The following PAN2 variants were observed in gnomAD, a reference collection of about 807,000 sequenced individuals.
PAN2 encodes the protein PAN2-PAN3 deadenylation complex catalytic subunit PAN2.
Under a neutral mutation model 133.3 loss-of-function variants are expected in PAN2, and 68 were observed. The ratio of observed to expected loss-of-function variants is 0.51; its 90% CI spans 0.42 to 0.62. The LOEUF is 0.62. Ranked by LOEUF, PAN2 falls within the 20% of genes least tolerant of loss-of-function variation. PAN2 has a pLI of 0.00. For synonymous variants in PAN2, 462 were observed against 544.6 expected (o/e 0.85, Z 2.11); for missense variants, 1,042 against 1,500.5 (o/e 0.69, Z 5.05).
chr12:56,328,657 A>C lies in PAN2; in HGVS notation c.283-16T>G, dbSNP rs767369830. Reference sequence around the variant, plus strand: ...TGGCATGGCCCTATAGAGGACAAAGACAACAGAGACACTTAGAGTGGAGGG... The same window carrying C: ...TGGCATGGCCCTATAGAGGACAAAGCCAACAGAGACACTTAGAGTGGAGGG... On this transcript the variant is annotated splice_polypyrimidine_tract_variant and intron_variant, in intron 2 of 25. Transcript: ENST00000440411. 1 of 1,611,884 alleles carries C rather than the reference A, an allele frequency of 6.2e-7. No individual in the cohort carries two copies. Among genetic ancestry groups the C allele is most frequent in the Non-Finnish European group, 8.5e-7 (1 of 1,178,608 alleles).
Position 56,323,882 on chromosome 12 carries a change from C to T in PAN2, c.2097G>A (p.Gln699=). The part of the protein sequence containing the change: ...DKTGKNYDFA[Q]VLKRSICLDQ... ...CCAGGCAGATGCTTCGCTTCAGCAC[C>T]TGAGCAAAGTCATAGTTCTTCCCAG... Residue 699 remains glutamine (Q), a synonymous_variant, in exon 14 of 26, where the codon CAG becomes CAA. Transcript: ENST00000440411. The T allele has an allele frequency of 6.2e-7, 1 of 1,614,162 alleles. No individual in the cohort carries two copies. The highest frequency in any genetic ancestry group is 8.5e-7 in the Non-Finnish European group (1 of 1,179,942).
In PAN2 at chr12:56,323,126, C is replaced by T. The variant is rs773416893; in HGVS notation, c.2429G>A (p.Arg810His). Residue 810 changes from arginine to histidine, a missense_variant, in exon 17 of 26, where the codon CGC (arginine) becomes CAC (histidine). Around this residue, in one of 3 missense-constraint regions of PAN2, gnomAD observed 908 missense variants for 1,223.5 expected, o/e 0.74. Transcript: ENST00000440411. ...LKNVWLPFSI[R>H]MKMTKNKGLD... ...CCCTTTGTTTTTGGTCATCTTCATGCGAATGGAGAAAGGAAGCCAGACGTT... is the reference window on the plus strand; with the variant it reads ...CCCTTTGTTTTTGGTCATCTTCATGTGAATGGAGAAAGGAAGCCAGACGTT... 4.3e-6 allele frequency: 7 copies of T among 1,614,110 alleles called. No individual in the cohort carries two copies. Among genetic ancestry groups the T allele is most frequent in the East Asian group, 2.2e-5 (1 of 44,892 alleles).
At position 56,324,316 on chromosome 12, in the gene PAN2, C is replaced by G. The variant is rs1419757104; in HGVS notation, c.1906G>C (p.Ala636Pro). 4 of 1,613,906 alleles carry G rather than the reference C, an allele frequency of 2.5e-6. No individual in the cohort carries two copies. Among genetic ancestry groups the G allele is most frequent in the Admixed American group, 1.7e-5 (1 of 60,024 alleles). Reference protein sequence around the residue: ...QDMQELEIPQAYRGAGGSSFC... With the variant: ...QDMQELEIPQPYRGAGGSSFC... ...TACCTGCCTCCAGCACCTCGATAAG[C>G]CTGTGGTATTTCCAGCTCCTGCATA... Residue 636 changes from alanine to proline, a missense_variant, in exon 12 of 26, where the codon GCT becomes CCT. Transcript: ENST00000440411.
At position 56,323,211 on chromosome 12, in the gene PAN2, T is replaced by C; in HGVS notation, c.2346-2A>G. 1 of 1,613,926 alleles carries C rather than the reference T, an allele frequency of 6.2e-7. No homozygotes were observed. Among genetic ancestry groups the C allele is most frequent in the Non-Finnish European group, 8.5e-7 (1 of 1,179,992 alleles). ...CCCTCTGGACTCCCTAGTTCCTTCC[T>C]ATCAGGTCAGAAGAATTGGAAATTT... On this transcript the variant is annotated splice_acceptor_variant, in intron 16 of 25. Coordinates refer to ENST00000440411, the MANE Select transcript of PAN2 (RefSeq NM_014871.6). LOFTEE classifies it high-confidence loss of function.
intron 10 of PAN2, 51 bp from the exon 11 acceptor site, chr12:56,324,760 G>C (rs780904563): frequency 5.1e-6 from 8 of 1,577,474 alleles, no homozygotes; most frequent in Non-Finnish European, 5.2e-6. Context: ...TGGGGGTGAG[G>C]AGAAATATGG....
chr12:56,328,812 A>G (rs1875410156), intron 2 of PAN2, among the ~76,000 whole-genome samples, 171 bp from the exon 3 acceptor site: 1 of 152,230 alleles, frequency 6.6e-6, no homozygotes, highest in African/African-American at 2.4e-5. Flanking sequence ...TGATAAAGAC[A>G]CTGATAATAC....
At chr12:56,321,746 G>A (rs1421669372) in intron 20 of PAN2, among the ~76,000 whole-genome samples, 1 of 151,356 alleles carries the variant, frequency 6.6e-6, no homozygotes, top group Non-Finnish European at 1.5e-5. Context: ...AGCTACTCAG[G>A]AGGCTGAGGC....
At position 56,332,816 on chromosome 12, in the gene PAN2, G is replaced by A. The variant is rs1876072210; in HGVS notation, c.279C>T (p.His93=). 1 of 1,613,870 alleles carries A rather than the reference G, an allele frequency of 6.2e-7. No individual in the cohort carries two copies. Among genetic ancestry groups the A allele is most frequent in the Non-Finnish European group, 8.5e-7 (1 of 1,179,828 alleles). Residue 93 remains histidine (H), a synonymous_variant, in exon 2 of 26, where the codon CAC becomes CAT. Coordinates refer to ENST00000440411, the MANE Select transcript of PAN2 (RefSeq NM_014871.6). The stretch of plus-strand genomic sequence containing the variant: ...CACAAAGGGGTACAGTTCTTACCCC[G>A]TGGCTCCCCACCCACAGCATCTCCT... ...LHEEMLWVGS[H]GGHATSFFGP...
chr12:56,326,952 G>A lies in PAN2; in HGVS notation c.927C>T (p.Cys309=). 1 of 1,612,872 alleles carries A rather than the reference G, an allele frequency of 6.2e-7. No homozygotes were observed. ...CCAGGCCTGTGGGTTCACAGAATTG[G>A]CACTGCCCTACAAAGGAGGAAGAAA... ...RLAIISQSGQ[C]QFCEPTGLAN... Residue 309 remains cysteine (C), a synonymous_variant, in exon 7 of 26, where the codon TGC becomes TGT. Coordinates refer to ENST00000440411, the MANE Select transcript of PAN2 (RefSeq NM_014871.6).
rs1326734091 is a variant in PAN2 at position 56,332,893 on chromosome 12, C to T, written c.202G>A (p.Val68Met). 7 of 1,614,084 alleles carry T rather than the reference C, an allele frequency of 4.3e-6. No individual in the cohort carries two copies. The highest frequency in any genetic ancestry group is 1.6e-4 in the Middle Eastern group (1 of 6,084). Residue 68 changes from valine to methionine, a missense_variant, in exon 2 of 26, where the codon GTG becomes ATG. Val to Met is a conservative substitution (Grantham distance 21). Around this residue, in one of 3 missense-constraint regions of PAN2, gnomAD observed 908 missense variants for 1,223.5 expected, o/e 0.74. Coordinates refer to ENST00000440411, the MANE Select transcript of PAN2 (RefSeq NM_014871.6). ...ACAGGTACACCCACTTCAGCCACCA[C>T]GCTGTGCAATTCAGAGTAGACACCT... ...MEGVYSELHS[V>M]VAEVGVPVSV...
chr12:56,325,276 T>C, intron 9 of PAN2, 59 bp downstream of exon 9: 1 of 1,606,246 alleles, frequency 6.2e-7, no homozygotes, highest in Non-Finnish European at 8.5e-7. Flanking sequence ...CTTTCTCATA[T>C]GACTTCCTTC....
intron 2 of PAN2, among the ~76,000 whole-genome samples, chr12:56,332,008 C>T (rs1040039086): frequency 2.6e-5 from 4 of 152,080 alleles, no homozygotes; most frequent in Admixed American, 6.5e-5. Context: ...CCACCGGTCC[C>T]GGCCGGACAG....
intron 25 of PAN2, among the ~76,000 whole-genome samples, chr12:56,317,888 C>T (rs1874081234): frequency 6.6e-6 from 1 of 152,148 alleles, no homozygotes; most frequent in Admixed American, 6.5e-5. Flanking sequence ...AATCAAAATC[C>T]ACCCAATTGG....
intron 1 of PAN2, 136 bp from the exon 2 acceptor site, chr12:56,333,344 G>A: frequency 1.9e-6 from 1 of 539,296 alleles, no homozygotes; most frequent in Non-Finnish European, 3.4e-6. Context: ...GAAGCAGGCG[G>A]GGGAGGGATG....
At position 56,324,794 on chromosome 12, in the gene PAN2, A is replaced by G. The variant is rs376872488; in HGVS notation, c.1600-85T>C. 4.6e-6 allele frequency: 7 copies of G among 1,514,720 alleles called. No individual in the cohort carries two copies. In the African/African-American group the frequency reaches 8.3e-5, roughly 18 times the overall value. 93.8% of individuals were successfully genotyped at this position (1,514,720 alleles called of 1,614,324 possible). A position where few individuals can be genotyped will look rare whatever the true frequency, so the allele number is the denominator to read the frequency against. On this transcript the variant is annotated intron_variant, in intron 10 of 25. Transcript: ENST00000440411. ...GGAGGTTAAGTGAGCTGGTGGAGAA[A>G]ATGTCCCAGAAGCAGGAGTCCACCG...
intron 16 of PAN2, 33 bp from the exon 17 acceptor site, chr12:56,323,242 G>C: frequency 6.2e-7 from 1 of 1,613,900 alleles, no homozygotes; most frequent in Non-Finnish European, 8.5e-7. Context: ...AATTTGTTCC[G>C]AAAGAGGTCT....
chr12:56,332,692 C>T (rs567086421), intron 2 of PAN2, 121 bp downstream of exon 2: 5 of 929,320 alleles, frequency 5.4e-6, no homozygotes, highest in Non-Finnish European at 8.5e-6. Flanking sequence ...TCCAACCAGA[C>T]CCAGCTGTCT....
chr12:56,318,153 G>T, intron 25 of PAN2, 84 bp downstream of exon 25: 1 of 1,137,120 alleles, frequency 8.8e-7, no homozygotes, highest in Non-Finnish European at 1.3e-6. Context: ...CTTCAGCCTG[G>T]GTGACAGAGT....
rs61761601 is a variant in PAN2, at chr12:56,327,376, T to G, written c.907A>C (p.Ile303Leu). 4.3e-6 allele frequency: 7 copies of G among 1,613,938 alleles called. No homozygotes were observed. In the Admixed American group the frequency reaches 1.0e-4, roughly 23 times the overall value. ...IPTYTSRLAI[I>L]SQSGQCQFCE... ...ATGCCCTTCATACCTGACTGAGAGA[T>G]GATAGCAAGACGAGAAGTATATGTA... The change falls in exon 6 of 26, where the codon ATC becomes CTC. Residue 303 changes from isoleucine to leucine, a missense_variant. Physicochemically the swap from Ile to Leu is conservative, Grantham distance 5. Transcript: ENST00000440411.
Sources: gnomAD v4.1 joint callset for allele counts (sites outside exome capture counted in the v4.1 genomes callset) on GRCh38, gnomAD v4.1.1 for gene constraint, gnomAD v4.1.1 regional missense constraint, MANE v1.5 for transcripts, NCBI Gene and HGNC (gene_info 2026-07-23, HGNC 2026-07-21) for gene names.